LEPR: variants seen among roughly 807,000 people sequenced by gnomAD.
LEPR encodes the protein OB receptor.
In LEPR, 56 loss-of-function variants were observed where a neutral mutation model predicts 114.7. The observed-to-expected ratio is 0.49, with a 90% confidence interval of 0.39 to 0.61. The LOEUF (loss-of-function observed/expected upper bound fraction) is 0.61. Ranked by LOEUF, LEPR falls within the 20% of genes least tolerant of loss-of-function variation. The pLI is 0.00. For missense variants in LEPR, 1,202 were observed against 1,352.9 expected, an observed-to-expected ratio of 0.89 and a Z score of 1.75; for synonymous variants, 443 against 461.4, an observed-to-expected ratio of 0.96 and a Z score of 0.51.
intron 2 of LEPR, among the ~76,000 whole-genome samples, chr1:65,516,650 A>G (rs1388322230): frequency 6.6e-6 from 1 of 152,244 alleles, no homozygotes. Flanking sequence ...TGGTCTCAGA[A>G]TCCATTATTT....
chr1:65,570,351 A>G, intron 3 of LEPR, 122 bp from the exon 4 acceptor site: 1 of 900,838 alleles, frequency 1.1e-6, no homozygotes, highest in South Asian at 1.7e-5. Flanking sequence ...TTAGACACTC[A>G]CTGAGGACTT....
chr1:65,634,441 T>A (rs55779633), intron 19 of LEPR: 490 of 969,936 alleles, frequency 5.1e-4, no homozygotes, highest in Non-Finnish European at 5.7e-4. Context: ...TATTCTAAAA[T>A]CTTAAAAAAA....
rs529026168 is a variant in LEPR, at chr1:65,554,982, T to C, written c.-20-10564T>C. ...TAGGGGAGGGAGTTTCTTGATCCCT[T>C]GCACTTCCTGGATGAGCCAACGCCC... On this transcript the variant is annotated intron_variant, in intron 2 of 19. Coordinates refer to ENST00000349533, the MANE Select transcript of LEPR (RefSeq NM_002303.6). Among the ~76,000 whole-genome samples, 136 of 152,196 alleles carry C rather than the reference T, an allele frequency of 8.9e-4. 1 individual carries two copies. Among genetic ancestry groups the C allele is most frequent in the Admixed American group, 3.7e-3 (57 of 15,284 alleles).
At chr1:65,446,430 T>C (rs1646715172) in intron 2 of LEPR, among the ~76,000 whole-genome samples, 1 of 152,194 alleles carries the variant, frequency 6.6e-6, no homozygotes, top group African/African-American at 2.4e-5. Context: ...AGCAATGATA[T>C]CGAACAGAGG....
chr1:65,544,851 A>T (rs1385582881), intron 2 of LEPR, among the ~76,000 whole-genome samples: 3 of 150,894 alleles, frequency 2.0e-5, no homozygotes, highest in African/African-American at 7.3e-5. Flanking sequence ...ACATGTGCAC[A>T]ATGTGCAGGT....
intron 5 of LEPR, among the ~76,000 whole-genome samples, chr1:65,592,248 ATTTT>A (rs58700529): frequency 0.5 from 58,805 of 117,424 alleles, 12,929 homozygotes; most frequent in East Asian, 0.83. Flanking sequence ...ATCTGCTGTC[ATTTT>A]TTTTTTTTTT....
intron 1 of LEPR, among the ~76,000 whole-genome samples, 160 bp from the exon 2 acceptor site, chr1:65,425,143 G>A (rs1646334542): frequency 6.6e-6 from 1 of 152,002 alleles, no homozygotes. Context: ...AGTATATTCA[G>A]AAGGTTATGC....
At chr1:65,538,718 C>T (rs1307385847) in intron 2 of LEPR, among the ~76,000 whole-genome samples, 2 of 151,726 alleles carry the variant, frequency 1.3e-5, no homozygotes, top group African/African-American at 2.4e-5. Flanking sequence ...TTTTTTTCTT[C>T]TCTGGAATCT....
intron 14 of LEPR, among the ~76,000 whole-genome samples, chr1:65,614,914 G>A (rs1251400167): frequency 1.3e-5 from 2 of 151,928 alleles, no homozygotes; most frequent in African/African-American, 4.8e-5. Flanking sequence ...TTAGGGTTGG[G>A]GCAGAAAATA....
chr1:65,622,794 G>A (rs116666498), intron 18 of LEPR, 112 bp from the exon 19 acceptor site: 6 of 1,073,358 alleles, frequency 5.6e-6, no homozygotes, highest in African/African-American at 4.7e-5. Flanking sequence ...CTGACCCTAC[G>A]GAGGCATAGT....
intron 2 of LEPR, among the ~76,000 whole-genome samples, chr1:65,425,774 A>G (rs902753101): frequency 1.3e-5 from 2 of 152,204 alleles, no homozygotes; most frequent in Non-Finnish European, 2.9e-5. Flanking sequence ...TTTCAGTGGG[A>G]CAGTCAGGGA....
chr1:65,525,407 T>C (rs1649867840), intron 2 of LEPR, among the ~76,000 whole-genome samples: 1 of 152,090 alleles, frequency 6.6e-6, no homozygotes, highest in Non-Finnish European at 1.5e-5. Context: ...GCTCTCGGCC[T>C]CCCTGCGGGC....
rs761548396 is a variant in LEPR, at chr1:65,636,257, G to C, written c.2740G>C (p.Glu914Gln). ...AGTGACATGTGGTCCTCTTCTTTTG[G>C]AGCCTGAAACAATTTCAGAAGATAT... ...ASVTCGPLLL[E>Q]PETISEDISV... The change falls in exon 20 of 20, where the codon GAG becomes CAG. Residue 914 changes from glutamate (E) to glutamine (Q), a missense_variant. By Grantham distance (29) the Glu-to-Gln change is conservative. Coordinates refer to ENST00000349533, the MANE Select transcript of LEPR (RefSeq NM_002303.6). 1 of 1,613,830 alleles carries C rather than the reference G, an allele frequency of 6.2e-7. No homozygotes were observed. The highest frequency in any genetic ancestry group is 8.5e-7 in the Non-Finnish European group (1 of 1,179,886).
At chr1:65,473,796 G>A (rs1292367824) in intron 2 of LEPR, among the ~76,000 whole-genome samples, 1 of 152,114 alleles carries the variant, frequency 6.6e-6, no homozygotes, top group Non-Finnish European at 1.5e-5. Context: ...TTCTTTATTT[G>A]CAGCAAACCA....
chr1:65,430,206 A>C, intron 2 of LEPR: 3 of 532,630 alleles, frequency 5.6e-6, no homozygotes, highest in Non-Finnish European at 9.3e-6. Flanking sequence ...GCCTAACAGT[A>C]GTTCGGCCAT....
chr1:65,572,256 GT>G, intron 4 of LEPR, 69 bp from the exon 5 acceptor site: 2 of 1,416,406 alleles, frequency 1.4e-6, no homozygotes. Context: ...CTTTCACTGA[GT>G]TGTTCAGATG....
chr1:65,550,979 G>A (rs1652296064), intron 2 of LEPR, among the ~76,000 whole-genome samples: 1 of 151,788 alleles, frequency 6.6e-6, no homozygotes, highest in Non-Finnish European at 1.5e-5. Context: ...CCCATCATGT[G>A]GTTTTTGTCA....
intron 2 of LEPR, among the ~76,000 whole-genome samples, chr1:65,425,643 C>G (rs1646347126): frequency 8.8e-6 from 1 of 114,260 alleles, no homozygotes; most frequent in African/African-American, 3.8e-5. Flanking sequence ...GTCCTGTCCT[C>G]AAAGAGGAGG....
At chr1:65,626,586 A>G (rs956148631) in intron 19 of LEPR, among the ~76,000 whole-genome samples, 4 of 143,846 alleles carry the variant, frequency 2.8e-5, no homozygotes, top group African/African-American at 1.1e-4. Flanking sequence ...AAAATCTTCT[A>G]AAATTCATTA....
Sources: gnomAD v4.1 joint callset for allele counts (sites outside exome capture counted in the v4.1 genomes callset) on GRCh38, gnomAD v4.1.1 for gene constraint, MANE v1.5 for transcripts, NCBI Gene and HGNC (gene_info 2026-07-23, HGNC 2026-07-21) for gene names.